The following SPAG16 variants were observed in gnomAD, a reference collection of about 807,000 sequenced individuals.
SPAG16 encodes sperm-associated antigen 16 protein.
Under a neutral mutation model 80.4 loss-of-function variants are expected in SPAG16, and 86 were observed. The ratio of observed to expected loss-of-function variants is 1.07; its 90% CI spans 0.90 to 1.28. SPAG16 has a LOEUF of 1.28. SPAG16 is among the 50% of genes most tolerant of loss of function. SPAG16 has a pLI of 0.00. For synonymous variants in SPAG16, 294 were observed against 265.9 expected, an observed-to-expected ratio of 1.11 and a Z score of -1.03; for missense variants, 870 against 765.3, an observed-to-expected ratio of 1.14 and a Z score of -1.61.
At chr2:213,917,270 G>C (rs983425811) in intron 11 of SPAG16, among the ~76,000 whole-genome samples, 1 of 151,834 alleles carries the variant, frequency 6.6e-6, no homozygotes, top group Admixed American at 6.6e-5. Context: ...CTCTTTTTTT[G>C]GTTCTATAGG....
At chr2:213,581,765 A>G (rs932078021) in intron 10 of SPAG16, among the ~76,000 whole-genome samples, 1 of 152,154 alleles carries the variant, frequency 6.6e-6, no homozygotes, top group Non-Finnish European at 1.5e-5. Flanking sequence ...CTGTATGCCT[A>G]TGATTATGGA....
At chr2:213,968,040 T>G (rs1363515456) in intron 12 of SPAG16, among the ~76,000 whole-genome samples, 1 of 152,184 alleles carries the variant, frequency 6.6e-6, no homozygotes, top group Non-Finnish European at 1.5e-5. Flanking sequence ...GCTGCCGCAA[T>G]TTGTTTATTT....
chr2:213,882,591 G>T (rs555820447), intron 11 of SPAG16, among the ~76,000 whole-genome samples: 1 of 152,260 alleles, frequency 6.6e-6, no homozygotes, highest in African/African-American at 2.4e-5. Flanking sequence ...TTGTGGAACA[G>T]AATTACTCAC....
At chr2:213,465,036 G>T (rs917601256) in intron 9 of SPAG16, among the ~76,000 whole-genome samples, 4 of 152,272 alleles carry the variant, frequency 2.6e-5, no homozygotes, top group African/African-American at 9.6e-5. Context: ...TGATCTACCA[G>T]TTTATTTCCC....
At chr2:213,442,857 A>C (rs765197719) in intron 9 of SPAG16, among the ~76,000 whole-genome samples, 3 of 152,210 alleles carry the variant, frequency 2.0e-5, no homozygotes, top group Non-Finnish European at 4.4e-5. Flanking sequence ...TGGTGGATAT[A>C]GCACCAAAGA....
chr2:213,965,620 T>G (rs754740469), intron 12 of SPAG16, among the ~76,000 whole-genome samples: 7 of 152,232 alleles, frequency 4.6e-5, no homozygotes, highest in Non-Finnish European at 4.4e-5. Flanking sequence ...AGCGTTTCAA[T>G]TTTTACTATC....
intron 15 of SPAG16, among the ~76,000 whole-genome samples, chr2:214,347,360 A>G (rs1698122127): frequency 7.2e-6 from 1 of 138,838 alleles, no homozygotes; most frequent in South Asian, 2.4e-4. Context: ...TTTTTTTTTT[A>G]GTAGAATTTG....
intron 12 of SPAG16, among the ~76,000 whole-genome samples, chr2:213,998,479 T>C (rs183943100): frequency 7.8e-4 from 119 of 152,334 alleles, no homozygotes; most frequent in African/African-American, 2.8e-3. Flanking sequence ...TTCTGAGGCC[T>C]CCCCAGCCAT....
intron 5 of SPAG16, among the ~76,000 whole-genome samples, chr2:213,332,709 G>A (rs928818826): frequency 2.0e-4 from 30 of 152,056 alleles, no homozygotes; most frequent in African/African-American, 7.2e-4. Context: ...GGGATGCAAG[G>A]ATGATTCAAC....
At chr2:213,752,700 A>C (rs1256950276) in intron 10 of SPAG16, among the ~76,000 whole-genome samples, 1 of 152,212 alleles carries the variant, frequency 6.6e-6, no homozygotes, top group Non-Finnish European at 1.5e-5. Flanking sequence ...TGTGAAGCAC[A>C]AAAAGCTACA....
Position 214,027,197 on chromosome 2 carries a change from A to G in SPAG16, c.1527+13120A>G, listed in dbSNP as rs183969886. 2.0e-3 allele frequency among the ~76,000 whole-genome samples: 296 copies of G among 151,698 alleles called. 5 individuals carry two copies. Among genetic ancestry groups the G allele is most frequent in the Admixed American group, 0.018 (279 of 15,200 alleles). ...TTCCAATTTTTGTATGCTATAGATA[A>G]GATGTACATTCAAACCCTTCTATTC... is the stretch of plus-strand genomic sequence containing the variant. On this transcript the variant is annotated intron_variant, in intron 13 of 15. Transcript: ENST00000331683.
At chr2:213,778,920 C>T (rs1430802874) in intron 10 of SPAG16, among the ~76,000 whole-genome samples, 1 of 152,160 alleles carries the variant, frequency 6.6e-6, no homozygotes, top group East Asian at 1.9e-4. Context: ...CTAGCAATTT[C>T]AAAGTATTTC....
intron 11 of SPAG16, among the ~76,000 whole-genome samples, chr2:213,928,725 GAA>G (rs1272602911): frequency 6.6e-6 from 1 of 152,116 alleles, no homozygotes. Context: ...TGGTGCCGTA[GAA>G]ACAGAGATGA....
At chr2:214,245,606 T>A (rs1373042943) in intron 15 of SPAG16, among the ~76,000 whole-genome samples, 1 of 152,162 alleles carries the variant, frequency 6.6e-6, no homozygotes, top group East Asian at 1.9e-4. Flanking sequence ...AAAGAACCTA[T>A]TTTTCACACA....
At chr2:214,060,477 C>G (rs1444160692) in intron 13 of SPAG16, among the ~76,000 whole-genome samples, 2 of 151,860 alleles carry the variant, frequency 1.3e-5, no homozygotes, top group Admixed American at 1.3e-4. Flanking sequence ...AAACAGAAAA[C>G]ATAGCAAAAT....
chr2:213,776,664 C>A (rs945901762), intron 10 of SPAG16, among the ~76,000 whole-genome samples: 1 of 151,448 alleles, frequency 6.6e-6, no homozygotes, highest in South Asian at 2.1e-4. Context: ...ATGTTTAGTT[C>A]GCTAGGTTAG....
chr2:214,397,370 G>A (rs762173102), intron 15 of SPAG16, among the ~76,000 whole-genome samples: 1 of 152,038 alleles, frequency 6.6e-6, no homozygotes, highest in Non-Finnish European at 1.5e-5. Context: ...ACGTTGGCCA[G>A]GATGGTCTCA....
intron 10 of SPAG16, among the ~76,000 whole-genome samples, chr2:213,609,066 T>C (rs2125009830): frequency 6.6e-6 from 1 of 152,330 alleles, no homozygotes; most frequent in South Asian, 2.1e-4. Context: ...TCTATAAAAA[T>C]TACATAAGTC....
chr2:214,398,450 T>G (rs76006428), intron 15 of SPAG16, among the ~76,000 whole-genome samples: 1,998 of 152,314 alleles, frequency 0.013, 41 homozygotes, highest in African/African-American at 0.045. Flanking sequence ...AAATCATGCG[T>G]GCCTCATTAC....
Sources: gnomAD v4.1 joint callset for allele counts (sites outside exome capture counted in the v4.1 genomes callset) on GRCh38, gnomAD v4.1.1 for gene constraint, MANE v1.5 for transcripts, NCBI Gene and HGNC (gene_info 2026-07-23, HGNC 2026-07-21) for gene names.